KCNJ15: variants seen among roughly 807,000 people sequenced by gnomAD.
KCNJ15 encodes the protein ATP-sensitive inward rectifier potassium channel 15.
Under a neutral mutation model 23.0 loss-of-function variants are expected in KCNJ15, and 14 were observed. The observed-to-expected ratio is 0.61, with a 90% CI of 0.40 to 0.95. The LOEUF (loss-of-function observed/expected upper bound fraction) is 0.95, where lower values mean the gene tolerates loss of function less well. Among genes scored for constraint, KCNJ15 ranks in the 40% least tolerant of loss-of-function variants. KCNJ15 has a pLI of 0.00. For missense variants in KCNJ15, 388 were observed against 461.8 expected (o/e 0.84, Z 1.46); for synonymous variants, 185 against 183.2 (o/e 1.01, Z -0.08).
intron 1 of KCNJ15, among the ~76,000 whole-genome samples, chr21:38,240,890 T>C (rs1400786271): frequency 2.6e-5 from 4 of 152,226 alleles, no homozygotes; most frequent in African/African-American, 7.2e-5. Context: ...TTCAGGGCTT[T>C]CATACTCAAC....
intron 1 of KCNJ15, among the ~76,000 whole-genome samples, chr21:38,257,426 C>A (rs1009129748): frequency 3.9e-5 from 6 of 152,150 alleles, no homozygotes; most frequent in African/African-American, 1.4e-4. Context: ...GAAACAATAT[C>A]CAGATGTCGT....
At position 38,299,212 on chromosome 21, in the gene KCNJ15, C is replaced by A. The variant is rs372055166; in HGVS notation, c.-18-32C>A. 118 of 1,497,292 alleles carry A rather than the reference C, an allele frequency of 7.9e-5. 1 individual carries two copies. The highest frequency in any genetic ancestry group is 1.0e-4 in the Non-Finnish European group (112 of 1,096,446). 92.8% of individuals were successfully genotyped at this position (1,497,292 alleles called of 1,614,324 possible). A position where few individuals can be genotyped will look rare whatever the true frequency, so the allele number is the denominator to read the frequency against. On this transcript the variant is annotated intron_variant, in intron 2 of 2. Coordinates refer to ENST00000398938, the MANE Select transcript of KCNJ15 (RefSeq NM_170736.3). This position sits in a 1 kb window ranked among gnomAD's most constrained non-coding sequence, Gnocchi z 4.5. ...TTTCTGGAAGTTCCACCACATATGG[C>A]GATAATGAAACATCTTTGTCATTTC...
intron 1 of KCNJ15, among the ~76,000 whole-genome samples, chr21:38,293,639 T>C (rs1984851259): frequency 6.6e-6 from 1 of 152,224 alleles, no homozygotes; most frequent in African/African-American, 2.4e-5. Flanking sequence ...GAAATCCTGA[T>C]AATTCCCCTG....
upstream of KCNJ15, among the ~76,000 whole-genome samples, chr21:38,252,632 G>A (rs1979915133): frequency 6.6e-6 from 1 of 152,256 alleles, no homozygotes; most frequent in South Asian, 2.1e-4. Context: ...ATCTTAAATG[G>A]AATTCCACAT....
Position 38,299,100 on chromosome 21 carries a change from G to C in KCNJ15, c.-18-144G>C. The C allele has an allele frequency of 1.5e-6, 1 of 681,960 alleles. No homozygotes were observed. The allele number at this position is 681,960 out of a possible 1,614,324, so 42.2% of individuals were successfully genotyped here. ...TCACTCTACCCTACCGACCACCTAA[G>C]TATAGATCAGTTAATCTTGCCTTCA... On this transcript the variant is annotated intron_variant, in intron 2 of 2. Coordinates refer to ENST00000398938, the MANE Select transcript of KCNJ15 (RefSeq NM_170736.3). The surrounding 1 kb of genome is among the most constrained non-coding windows in gnomAD (Gnocchi z 4.5).
chr21:38,237,205 T>A (rs945634833), intron 1 of KCNJ15: 11 of 152,226 alleles, frequency 7.2e-5, no homozygotes, highest in African/African-American at 2.4e-4. Flanking sequence ...ATACCATATA[T>A]GAATCCACTA....
chr21:38,302,388 G>A lies in KCNJ15; in HGVS notation c.*1999G>A, dbSNP rs1985860491. The stretch of plus-strand genomic sequence containing the variant: ...CTGGAACTGAACTAGTTTAAGGCAG[G>A]TGTAAGAATAGTGGGAGGAAAGTTT... On this transcript the variant is annotated 3_prime_UTR_variant, in exon 3 of 3. Transcript: ENST00000398938. 6.6e-6 allele frequency: 1 copy of A among 152,212 alleles called. No individual in the cohort carries two copies. The highest frequency in any genetic ancestry group is 2.1e-4 in the South Asian group (1 of 4,830). 9.4% of individuals were successfully genotyped at this position (152,212 alleles called of 1,614,324 possible).
chr21:38,230,550 A>G lies in KCNJ15; in HGVS notation c.-398-26496A>G, dbSNP rs368712240. Among the ~76,000 whole-genome samples, 10 of 152,132 alleles carry G rather than the reference A, an allele frequency of 6.6e-5. No homozygotes were observed. The East Asian group carries it at 1.9e-3, about 29-fold the overall frequency. ...GTTTAATTATACTATTGTCCAAATT[A>G]TCTATTTTTCTCTCTTGTCAGTTTT... On this transcript the variant is annotated intron_variant, in intron 1 of 4. Coordinates refer to the KCNJ15 transcript ENST00000547341.
At chr21:38,278,490 T>C (rs1982972472) in intron 1 of KCNJ15, among the ~76,000 whole-genome samples, 1 of 152,198 alleles carries the variant, frequency 6.6e-6, no homozygotes, top group Non-Finnish European at 1.5e-5. Context: ...CATTCTCAAC[T>C]AGTGGCAGTT....
chr21:38,296,184 C>A (rs73426702), intron 1 of KCNJ15, among the ~76,000 whole-genome samples: 6,176 of 150,998 alleles, frequency 0.041, 400 homozygotes, highest in African/African-American at 0.14. Flanking sequence ...ATATTTAGAC[C>A]GGTAATAAAT....
intron 1 of KCNJ15, among the ~76,000 whole-genome samples, chr21:38,274,489 A>G (rs188019634): frequency 5.5e-4 from 84 of 152,318 alleles, no homozygotes; most frequent in Non-Finnish European, 1.0e-3. Context: ...CCCCACAACT[A>G]GAATATAAGC....
chr21:38,234,928 A>G (rs1978502177), intron 1 of KCNJ15, among the ~76,000 whole-genome samples: 1 of 152,240 alleles, frequency 6.6e-6, no homozygotes, highest in Admixed American at 6.5e-5. Flanking sequence ...CCATTCAGGT[A>G]CAGACAATAC....
intron 1 of KCNJ15, among the ~76,000 whole-genome samples, chr21:38,279,890 A>G (rs1983133741): frequency 6.6e-6 from 1 of 152,208 alleles, no homozygotes; most frequent in Admixed American, 6.5e-5. Flanking sequence ...GCCATTGCCA[A>G]GGTCTTTCAA....
At chr21:38,263,877 G>A (rs1258685814) in intron 1 of KCNJ15, among the ~76,000 whole-genome samples, 1 of 151,656 alleles carries the variant, frequency 6.6e-6, no homozygotes, top group Non-Finnish European at 1.5e-5. Context: ...ATTCCTAAAA[G>A]AATTTAAGTG....
At position 38,299,323 on chromosome 21, in the gene KCNJ15, G is replaced by T. The variant is rs756881532; in HGVS notation, c.62G>T (p.Gly21Val). 8.1e-6 allele frequency: 13 copies of T among 1,614,060 alleles called. No individual in the cohort carries two copies. The East Asian group carries it at 2.9e-4, about 36-fold the overall frequency. ...CTGGTGAAGCACACTGCTGGGGCTG[G>T]GCTCAAGGCCAACAGACCCCGCGTC... Reference protein sequence around the residue: ...TPLVKHTAGAGLKANRPRVMS... With the variant: ...TPLVKHTAGAVLKANRPRVMS... Residue 21 changes from glycine to valine, a missense_variant, in exon 3 of 3, where the codon GGG becomes GTG. Coordinates refer to ENST00000398938, the MANE Select transcript of KCNJ15 (RefSeq NM_170736.3). This position sits in a 1 kb window ranked among gnomAD's most constrained non-coding sequence, Gnocchi z 4.5.
upstream of KCNJ15, among the ~76,000 whole-genome samples, chr21:38,256,334 C>T (rs1052387155): frequency 7.8e-5 from 10 of 128,120 alleles, no homozygotes; most frequent in African/African-American, 3.2e-4. Context: ...TCCAGAAGAA[C>T]CAAATTTTGC....
At position 38,305,472 on chromosome 21, in the gene KCNJ15, A is replaced by C. The variant is rs1305630026; in HGVS notation, c.*5083A>C. On this transcript the variant is annotated 3_prime_UTR_variant, in exon 3 of 3. Coordinates refer to ENST00000398938, the MANE Select transcript of KCNJ15 (RefSeq NM_170736.3). ...ATTACAAGAAAGGATGGTGGAAGTC[A>C]AAGGACAGAACTGATACACGAGTAT... is the stretch of plus-strand genomic sequence containing the variant. The C allele has an allele frequency of 6.6e-6, 1 of 152,244 alleles. No homozygotes were observed. Among genetic ancestry groups the C allele is most frequent in the Non-Finnish European group, 1.5e-5 (1 of 68,048 alleles). The allele number at this position is 152,244 out of a possible 1,614,324, so 9.4% of individuals were successfully genotyped here.
intron 1 of KCNJ15, among the ~76,000 whole-genome samples, chr21:38,278,147 G>A (rs1019048777): frequency 1.4e-4 from 11 of 80,788 alleles, no homozygotes; most frequent in East Asian, 3.3e-4. Flanking sequence ...GAGACCCAGC[G>A]GTGCTTTCTA....
At position 38,299,046 on chromosome 21, in the gene KCNJ15, G is replaced by A. The variant is rs992713638; in HGVS notation, c.-18-198G>A. On this transcript the variant is annotated intron_variant, in intron 2 of 2. Coordinates refer to ENST00000398938, the MANE Select transcript of KCNJ15 (RefSeq NM_170736.3). The surrounding 1 kb of genome is among the most constrained non-coding windows in gnomAD (Gnocchi z 4.5). The stretch of plus-strand genomic sequence containing the variant: ...AATTGCAGAGTCAGCATTTAACCCC[G>A]GTCTGCTTTTCTGCAAAGCCTCTGC... Among the ~76,000 whole-genome samples the A allele has an allele frequency of 3.3e-5, 5 of 152,230 alleles. No individual in the cohort carries two copies. Among genetic ancestry groups the A allele is most frequent in the African/African-American group, 7.2e-5 (3 of 41,552 alleles).
Sources: gnomAD v4.1 joint callset for allele counts (sites outside exome capture counted in the v4.1 genomes callset) on GRCh38, gnomAD v4.1.1 for gene constraint, Gnocchi (gnomAD v3.1) non-coding constraint, MANE v1.5 for transcripts, NCBI Gene and HGNC (gene_info 2026-07-23, HGNC 2026-07-21) for gene names.